HOMER1: variants seen among roughly 807,000 people sequenced by gnomAD.
The protein encoded by HOMER1 is homer protein homolog 1.
A neutral mutation model predicts 48.9 loss-of-function variants in HOMER1; 3 were observed. That is an observed-to-expected ratio of 0.06 (90% confidence interval 0.03 to 0.16). The LOEUF (loss-of-function observed/expected upper bound fraction) is 0.16. Ranked by LOEUF, HOMER1 falls within the 10% of genes least tolerant of loss-of-function variation. HOMER1 has a pLI of 1.00. For missense variants in HOMER1, 247 were observed against 411.4 expected (o/e 0.60, Z 3.46); for synonymous variants, 134 against 146.4 (o/e 0.92, Z 0.61).
At chr5:79,426,657 G>A (rs902534289) in intron 5 of HOMER1, among the ~76,000 whole-genome samples, 3 of 152,038 alleles carry the variant, frequency 2.0e-5, no homozygotes, top group African/African-American at 7.2e-5. Context: ...AGTGGGGAGT[G>A]GGAGATAAAA....
At chr5:79,378,029 C>T (rs187328450) in intron 8 of HOMER1, among the ~76,000 whole-genome samples, 5 of 152,128 alleles carry the variant, frequency 3.3e-5, no homozygotes, top group Admixed American at 6.5e-5. Context: ...ACCAGCCTGG[C>T]CAACATGGCG....
At chr5:79,465,121 G>C (rs1751420138) in intron 1 of HOMER1, among the ~76,000 whole-genome samples, 1 of 152,026 alleles carries the variant, frequency 6.6e-6, no homozygotes, top group Non-Finnish European at 1.5e-5. Context: ...AGGATCGCTT[G>C]AGCCCATGAG....
intron 6 of HOMER1, among the ~76,000 whole-genome samples, chr5:79,400,742 C>CTT (rs1364348232): frequency 8.1e-6 from 1 of 123,864 alleles, no homozygotes; most frequent in Non-Finnish European, 1.7e-5. Flanking sequence ...AAAACTTCTT[C>CTT]TTTTTTTTTT....
At chr5:79,418,352 G>A (rs1246200077) in intron 5 of HOMER1, among the ~76,000 whole-genome samples, 1 of 152,080 alleles carries the variant, frequency 6.6e-6, no homozygotes, top group African/African-American at 2.4e-5. Context: ...TTCCTGATCG[G>A]CCTCGATGGA....
intron 1 of HOMER1, among the ~76,000 whole-genome samples, chr5:79,462,968 C>T (rs1205262629): frequency 6.6e-6 from 1 of 152,146 alleles, no homozygotes; most frequent in African/African-American, 2.4e-5. Context: ...GCTACTGCAG[C>T]AAAGGAGATT....
chr5:79,500,251 A>G (rs954605634), intron 1 of HOMER1, among the ~76,000 whole-genome samples: 2 of 152,246 alleles, frequency 1.3e-5, no homozygotes, highest in Non-Finnish European at 2.9e-5. Flanking sequence ...AAAAAACCAC[A>G]GCTATTTAAT....
At chr5:79,511,235 G>C (rs1448236828) in intron 1 of HOMER1, among the ~76,000 whole-genome samples, 1 of 151,694 alleles carries the variant, frequency 6.6e-6, no homozygotes, top group East Asian at 1.9e-4. Flanking sequence ...CTAAGGTTTT[G>C]AACAGTAGTA....
intron 1 of HOMER1, among the ~76,000 whole-genome samples, chr5:79,458,550 T>C (rs1030266707): frequency 1.3e-5 from 2 of 151,840 alleles, no homozygotes; most frequent in African/African-American, 4.8e-5. Context: ...TAATAAAAGG[T>C]TGGGTGACTC....
At chr5:79,455,492 C>T (rs1427075934) in intron 2 of HOMER1, among the ~76,000 whole-genome samples, 2 of 152,186 alleles carry the variant, frequency 1.3e-5, no homozygotes, top group Non-Finnish European at 2.9e-5. Context: ...CCTGTGAAGA[C>T]GTACCTTCTG....
chr5:79,376,818 A>G (rs1213731048), intron 8 of HOMER1, among the ~76,000 whole-genome samples: 1 of 152,244 alleles, frequency 6.6e-6, no homozygotes, highest in Non-Finnish European at 1.5e-5. Flanking sequence ...TAACAGTTCC[A>G]ATACATTGCA....
At chr5:79,376,255 C>A in intron 8 of HOMER1, 58 bp from the exon 9 acceptor site, 1 of 1,274,256 alleles carries the variant, frequency 7.8e-7, no homozygotes, top group Non-Finnish European at 1.1e-6. Flanking sequence ...GAAAACAATA[C>A]AACTCTCTGT....
In HOMER1 at chr5:79,391,143, T is replaced by TTG. The variant is rs1554056924; in HGVS notation, c.876+5679_876+5680insCA. ...CAAAATTTTGTGGGTTTTTTTTTTG[T>TTG]TTTTTTTTTTTTTGAGATAGGTCTT... On this transcript the variant is annotated intron_variant, in intron 8 of 8. Transcript: ENST00000334082. Among the ~76,000 whole-genome samples the TTG allele has an allele frequency of 2.7e-3, 389 of 142,848 alleles. 2 individuals are homozygous for TTG. Among genetic ancestry groups the TTG allele is most frequent in the African/African-American group, 9.2e-3 (356 of 38,630 alleles). 93.7% of individuals were successfully genotyped at this position (142,848 alleles called of 152,430 possible).
chr5:79,455,819 G>A (rs942683587), intron 2 of HOMER1, among the ~76,000 whole-genome samples: 1 of 152,044 alleles, frequency 6.6e-6, no homozygotes, highest in Non-Finnish European at 1.5e-5. Context: ...TTTTTCTTTG[G>A]AATTTCTTTC....
chr5:79,461,350 A>C (rs60378526), intron 1 of HOMER1, among the ~76,000 whole-genome samples: 95,877 of 151,494 alleles, frequency 0.63, 33,541 homozygotes, highest in East Asian at 0.99. Flanking sequence ...AACTGTATAA[A>C]ACTCATAAAT....
At chr5:79,495,040 A>G (rs1344227405) in intron 1 of HOMER1, among the ~76,000 whole-genome samples, 5 of 152,202 alleles carry the variant, frequency 3.3e-5, no homozygotes, top group African/African-American at 1.2e-4. Context: ...CTATTTTTAT[A>G]TGTTTTATTA....
intron 5 of HOMER1, among the ~76,000 whole-genome samples, chr5:79,427,439 A>G (rs993935457): frequency 1.3e-5 from 2 of 152,070 alleles, no homozygotes; most frequent in African/African-American, 4.8e-5. Flanking sequence ...CCCAGGCTGG[A>G]GTACAGTGGC....
At chr5:79,407,954 TGA>T (rs1554057836) in intron 5 of HOMER1, among the ~76,000 whole-genome samples, 3 of 152,320 alleles carry the variant, frequency 2.0e-5, no homozygotes, top group East Asian at 1.9e-4. Flanking sequence ...TAAAATATTT[TGA>T]GAGAGGGAGA....
At chr5:79,395,117 C>A (rs1484961701) in intron 8 of HOMER1, among the ~76,000 whole-genome samples, 4 of 152,158 alleles carry the variant, frequency 2.6e-5, no homozygotes, top group Non-Finnish European at 5.9e-5. Flanking sequence ...CTTGTTAACA[C>A]CTTTGAACTG....
intron 1 of HOMER1, among the ~76,000 whole-genome samples, chr5:79,467,647 T>C (rs1210410176): frequency 6.6e-6 from 1 of 152,226 alleles, no homozygotes. Context: ...GATATGTGTA[T>C]AGTATTCCCT....
Sources: allele counts gnomAD v4.1 joint callset (sites outside exome capture counted in the v4.1 genomes callset), GRCh38; gene constraint gnomAD v4.1.1; transcripts MANE v1.5; gene names NCBI Gene and HGNC (gene_info 2026-07-23, HGNC 2026-07-21).